The following RBMS3 variants were observed in gnomAD, a reference collection of about 807,000 sequenced individuals.
RBMS3 encodes RNA-binding motif, single-stranded-interacting protein 3.
A neutral mutation model predicts 66.8 loss-of-function variants in RBMS3; 27 were observed. That is an observed-to-expected ratio of 0.40 (90% confidence interval 0.30 to 0.56). The LOEUF is 0.56. Among genes scored for constraint, RBMS3 ranks in the 20% least tolerant of loss-of-function variants. The probability of loss-of-function intolerance (pLI) is 0.40; values close to 1 mark genes in which losing one functional copy is unlikely to be tolerated. For missense variants in RBMS3, 513 were observed against 549.5 expected (o/e 0.93, Z 0.66); for synonymous variants, 188 against 183.0 (o/e 1.03, Z -0.22).
At chr3:29,775,232 A>G (rs2056382702) in intron 6 of RBMS3, among the ~76,000 whole-genome samples, 1 of 148,360 alleles carries the variant, frequency 6.7e-6, no homozygotes, top group African/African-American at 2.5e-5. Context: ...AATGAGTTCT[A>G]CCAGTTTTTT....
intron 2 of RBMS3, among the ~76,000 whole-genome samples, chr3:29,480,487 T>A (rs542301416): frequency 1.3e-5 from 2 of 152,098 alleles, no homozygotes; most frequent in South Asian, 4.2e-4. Context: ...AAGAACCAGA[T>A]GAAGGTAATG....
chr3:29,884,422 T>TTCCCTC (rs2059810695), intron 8 of RBMS3, among the ~76,000 whole-genome samples: 1 of 41,842 alleles, frequency 2.4e-5, no homozygotes, highest in African/African-American at 1.0e-4. Flanking sequence ...TTAAACCCTG[T>TTCCCTC]TCTCTCTCTC....
At chr3:29,463,510 C>A (rs944810550) in intron 2 of RBMS3, among the ~76,000 whole-genome samples, 5 of 151,854 alleles carry the variant, frequency 3.3e-5, no homozygotes, top group Admixed American at 2.0e-4. Context: ...TCCAGCCAAT[C>A]CCAGTTCTGT....
chr3:29,449,949 T>C (rs561239120), intron 2 of RBMS3, among the ~76,000 whole-genome samples: 1 of 152,302 alleles, frequency 6.6e-6, no homozygotes, highest in Non-Finnish European at 1.5e-5. Context: ...ACAGTAGATG[T>C]AGAATTCCAT....
chr3:29,970,522 G>A (rs1279081124), intron 12 of RBMS3, among the ~76,000 whole-genome samples: 2 of 151,918 alleles, frequency 1.3e-5, no homozygotes, highest in East Asian at 3.9e-4. Context: ...TCCAGTGAAT[G>A]GGAGATATTA....
At chr3:29,325,183 GA>G (rs1471893649) in intron 1 of RBMS3, among the ~76,000 whole-genome samples, 1 of 151,834 alleles carries the variant, frequency 6.6e-6, no homozygotes, top group African/African-American at 2.4e-5. Flanking sequence ...TTTGTGAAGT[GA>G]AAAAAAGACA....
chr3:29,696,829 C>A, intron 4 of RBMS3: 1 of 458,680 alleles, frequency 2.2e-6, no homozygotes, highest in Non-Finnish European at 2.9e-6. Context: ...ACTCCAAGAG[C>A]CAGTGTAGGG....
intron 1 of RBMS3, among the ~76,000 whole-genome samples, chr3:29,354,698 C>A (rs937814540): frequency 2.0e-5 from 3 of 152,066 alleles, no homozygotes; most frequent in East Asian, 3.9e-4. Context: ...TCAGGCCCTG[C>A]GAACATGACA....
chr3:29,516,783 T>G (rs1446109734), intron 3 of RBMS3, among the ~76,000 whole-genome samples: 3 of 152,136 alleles, frequency 2.0e-5, no homozygotes, highest in African/African-American at 7.2e-5. Context: ...TCACAAAAAT[T>G]AGGAGTAATA....
chr3:29,946,065 T>G (rs1468755556), intron 12 of RBMS3, among the ~76,000 whole-genome samples: 4 of 151,784 alleles, frequency 2.6e-5, no homozygotes, highest in Admixed American at 2.6e-4. Flanking sequence ...AATAACATTT[T>G]GGGAGATTTC....
chr3:29,578,058 C>A (rs1298680462), intron 3 of RBMS3, among the ~76,000 whole-genome samples: 1 of 152,190 alleles, frequency 6.6e-6, no homozygotes, highest in Non-Finnish European at 1.5e-5. Context: ...GAGCCATTTA[C>A]AAAATCTTTA....
At chr3:29,947,487 A>G (rs1419987135) in intron 12 of RBMS3, among the ~76,000 whole-genome samples, 1 of 151,542 alleles carries the variant, frequency 6.6e-6, no homozygotes, top group African/African-American at 2.4e-5. Flanking sequence ...CAAAAGAAAG[A>G]AGGAAGCTTG....
At chr3:29,441,028 T>A (rs1329137126) in intron 2 of RBMS3, among the ~76,000 whole-genome samples, 2 of 151,702 alleles carry the variant, frequency 1.3e-5, no homozygotes, top group African/African-American at 4.9e-5. Context: ...GATTTAAAAG[T>A]TTCCTCTAAT....
intron 3 of RBMS3, among the ~76,000 whole-genome samples, chr3:29,517,926 ATTCT>A (rs1343952533): frequency 6.6e-6 from 1 of 152,174 alleles, no homozygotes; most frequent in African/African-American, 2.4e-5. Flanking sequence ...TTCCTCAGAA[ATTCT>A]TTATAACCTT....
intron 1 of RBMS3, among the ~76,000 whole-genome samples, chr3:29,420,813 G>T (rs2040685463): frequency 1.3e-5 from 2 of 152,078 alleles, no homozygotes; most frequent in Non-Finnish European, 1.5e-5. Context: ...CTTTAGAAAA[G>T]GCTATTATCG....
At chr3:29,526,533 A>C (rs2045114190) in intron 3 of RBMS3, among the ~76,000 whole-genome samples, 1 of 79,578 alleles carries the variant, frequency 1.3e-5, no homozygotes, top group African/African-American at 1.0e-4. Context: ...AAAAAAAAAA[A>C]AAAAAAAAAA....
At chr3:29,604,961 A>C (rs1465918018) in intron 4 of RBMS3, among the ~76,000 whole-genome samples, 2 of 151,938 alleles carry the variant, frequency 1.3e-5, no homozygotes, top group South Asian at 2.1e-4. Flanking sequence ...ATATGTTGAC[A>C]TCCTCCTCCA....
intron 3 of RBMS3, among the ~76,000 whole-genome samples, chr3:29,576,229 C>T (rs1202966059): frequency 6.6e-6 from 1 of 152,178 alleles, no homozygotes; most frequent in East Asian, 1.9e-4. Flanking sequence ...AGAGGTACCA[C>T]CTTGGTGGTC....
intron 2 of RBMS3, among the ~76,000 whole-genome samples, chr3:29,455,530 T>C (rs1300240589): frequency 6.6e-6 from 1 of 152,146 alleles, no homozygotes; most frequent in Non-Finnish European, 1.5e-5. Context: ...CATCAACCAG[T>C]TAATGTGTAA....
Sources: allele counts gnomAD v4.1 joint callset (sites outside exome capture counted in the v4.1 genomes callset), GRCh38; gene constraint gnomAD v4.1.1; transcripts MANE v1.5; gene names NCBI Gene and HGNC (gene_info 2026-07-23, HGNC 2026-07-21).